Variants in NOTCH2NLC observed in about 807,000 individuals in gnomAD.
NOTCH2NLC encodes notch homolog 2 N-terminal-like protein C.
A neutral mutation model predicts 17.7 loss-of-function variants in NOTCH2NLC; 4 were observed. The ratio of observed to expected loss-of-function variants is 0.23; its 90% CI spans 0.11 to 0.52. NOTCH2NLC has a LOEUF of 0.52. Ranked by LOEUF, NOTCH2NLC falls within the 20% of genes least tolerant of loss-of-function variation. The pLI, the probability that NOTCH2NLC is intolerant of heterozygous loss-of-function variation, is 0.96. For missense variants in NOTCH2NLC, 57 were observed against 207.2 expected, an observed-to-expected ratio of 0.28 and a Z score of 4.45; for synonymous variants, 18 against 86.0, an observed-to-expected ratio of 0.21 and a Z score of 4.38.
chr1:149,449,607 G>A (rs1351719617), intron 2 of NOTCH2NLC, among the ~76,000 whole-genome samples: 5 of 150,908 alleles, frequency 3.3e-5, no homozygotes, highest in African/African-American at 9.7e-5. Context: ...GGAAATTGTA[G>A]AGAGACAAAG....
At chr1:149,421,283 G>A (rs2084377664) in intron 1 of NOTCH2NLC, among the ~76,000 whole-genome samples, 1 of 144,426 alleles carries the variant, frequency 6.9e-6, no homozygotes, top group African/African-American at 2.5e-5. Flanking sequence ...GCATCACGAG[G>A]TCAGGAGATC....
chr1:149,446,860 C>A, intron 2 of NOTCH2NLC, among the ~76,000 whole-genome samples: 1 of 114,990 alleles, frequency 8.7e-6, no homozygotes, highest in East Asian at 2.6e-4. Context: ...TTAATAAACT[C>A]CCTACAGGAG....
At position 149,467,388 on chromosome 1, in the gene NOTCH2NLC, C is replaced by T. The variant is rs1263599414; in HGVS notation, c.*3235C>T. On this transcript the variant is annotated 3_prime_UTR_variant, in exon 5 of 5. Coordinates refer to ENST00000650865, the MANE Select transcript of NOTCH2NLC (RefSeq NM_001364013.2). ...AGTCACTGTGAGTATTTTAGTATTA[C>T]TGTAGGACTCAAGAGGGAATTAAAA... 6.9e-3 allele frequency: 984 copies of T among 143,552 alleles called. 22 individuals carry two copies. The highest frequency in any genetic ancestry group is 0.025 in the African/African-American group (945 of 38,182). The allele number at this position is 143,552 out of a possible 1,614,324, so 8.9% of individuals were successfully genotyped here. A position where few individuals can be genotyped will look rare whatever the true frequency, so the allele number is the denominator to read the frequency against.
At chr1:149,398,054 T>C (rs2084217888) in intron 1 of NOTCH2NLC, among the ~76,000 whole-genome samples, 1 of 150,228 alleles carries the variant, frequency 6.7e-6, no homozygotes, top group African/African-American at 2.5e-5. Context: ...CATTTATCTA[T>C]GCTCTCTGAA....
At chr1:149,461,054 C>T (rs1162108499) in intron 3 of NOTCH2NLC, among the ~76,000 whole-genome samples, 4 of 149,470 alleles carry the variant, frequency 2.7e-5, no homozygotes, top group African/African-American at 9.9e-5. Flanking sequence ...TGTGCCTCAG[C>T]CTCCCAGGTA....
At chr1:149,417,316 G>A (rs1457707892) in intron 1 of NOTCH2NLC, among the ~76,000 whole-genome samples, 1 of 150,642 alleles carries the variant, frequency 6.6e-6, no homozygotes, top group Non-Finnish European at 1.5e-5. Flanking sequence ...CACCGTGTTA[G>A]CCAGGATGGT....
chr1:149,402,304 C>T (rs2084250897), intron 1 of NOTCH2NLC, among the ~76,000 whole-genome samples: 1 of 150,986 alleles, frequency 6.6e-6, no homozygotes, highest in Non-Finnish European at 1.5e-5. Context: ...TGGTCTCGTA[C>T]TCCTGACCTC....
intron 1 of NOTCH2NLC, among the ~76,000 whole-genome samples, chr1:149,424,944 G>GC (rs1466389687): frequency 3.3e-5 from 5 of 151,232 alleles, no homozygotes; most frequent in African/African-American, 1.2e-4. Flanking sequence ...TGAGAGATCT[G>GC]CCCCCATAAC....
rs1414895478 is a variant in NOTCH2NLC, at chr1:149,461,108, T to C, written c.470-2383T>C. ...TGCTATGAAGCCCGGCAAATTTTTG[T>C]AGTTTTAGAAAAGATGGCGTTTCAC... On this transcript the variant is annotated intron_variant, in intron 3 of 4. Coordinates refer to ENST00000650865, the MANE Select transcript of NOTCH2NLC (RefSeq NM_001364013.2). Among the ~76,000 whole-genome samples the C allele has an allele frequency of 1.8e-4, 27 of 150,394 alleles. 1 individual carries two copies. The highest frequency in any genetic ancestry group is 4.6e-4 in the Admixed American group (7 of 15,072).
chr1:149,425,166 G>T (rs1383732915), intron 1 of NOTCH2NLC, among the ~76,000 whole-genome samples: 1 of 149,774 alleles, frequency 6.7e-6, no homozygotes, highest in Non-Finnish European at 1.5e-5. Context: ...CAGAAAAGAC[G>T]AAATGTTTTC....
At chr1:149,450,176 T>C (rs1378315660) in intron 2 of NOTCH2NLC, among the ~76,000 whole-genome samples, 2 of 147,358 alleles carry the variant, frequency 1.4e-5, no homozygotes, top group Non-Finnish European at 3.0e-5. Context: ...AAGAAAGAGC[T>C]TTCTCACAGT....
chr1:149,399,798 A>C, intron 1 of NOTCH2NLC, among the ~76,000 whole-genome samples: 2 of 143,150 alleles, frequency 1.4e-5, no homozygotes, highest in Middle Eastern at 7.1e-3. Flanking sequence ...ATTCTTTCTA[A>C]GAGAGTTAAG....
chr1:149,420,075 T>G (rs1366867721), intron 1 of NOTCH2NLC, among the ~76,000 whole-genome samples: 2 of 149,418 alleles, frequency 1.3e-5, no homozygotes, highest in Non-Finnish European at 3.0e-5. Flanking sequence ...TTTCACCGTG[T>G]TAGCCAGGAT....
At chr1:149,449,176 T>A (rs2084574872) in intron 2 of NOTCH2NLC, among the ~76,000 whole-genome samples, 2 of 151,010 alleles carry the variant, frequency 1.3e-5, no homozygotes, top group Non-Finnish European at 3.0e-5. Context: ...CCACCGCACC[T>A]GGCCTAGCTG....
chr1:149,417,185 C>T (rs2084340780), intron 1 of NOTCH2NLC, among the ~76,000 whole-genome samples: 1 of 135,394 alleles, frequency 7.4e-6, no homozygotes, highest in Non-Finnish European at 1.6e-5. Context: ...TCTCTGCTCA[C>T]TGCAAGCTCC....
chr1:149,400,142 T>A (rs1252238195), intron 1 of NOTCH2NLC, among the ~76,000 whole-genome samples: 45 of 133,112 alleles, frequency 3.4e-4, no homozygotes, highest in East Asian at 1.7e-3. Context: ...AATATATATT[T>A]TTTTTTTAGT....
intron 1 of NOTCH2NLC, among the ~76,000 whole-genome samples, chr1:149,421,498 CAA>C (rs1186003741): frequency 8.4e-4 from 31 of 36,944 alleles, no homozygotes; most frequent in African/African-American, 1.1e-3. Context: ...GACTCCATCT[CAA>C]AAAAAAAAAA....
intron 3 of NOTCH2NLC, among the ~76,000 whole-genome samples, chr1:149,461,702 A>G (rs1418922384): frequency 2.0e-5 from 3 of 151,350 alleles, no homozygotes; most frequent in African/African-American, 7.3e-5. Flanking sequence ...TTGCGGCACT[A>G]TTCACAATAG....
intron 1 of NOTCH2NLC, among the ~76,000 whole-genome samples, chr1:149,404,364 CT>C (rs1253629523): frequency 6.6e-6 from 1 of 151,310 alleles, no homozygotes; most frequent in Admixed American, 6.6e-5. Context: ...ATTTTGGGAT[CT>C]TGTGTGGGGA....
Sources: gnomAD v4.1 joint callset for allele counts (sites outside exome capture counted in the v4.1 genomes callset) on GRCh38, gnomAD v4.1.1 for gene constraint, MANE v1.5 for transcripts, NCBI Gene and HGNC (gene_info 2026-07-23, HGNC 2026-07-21) for gene names.